The following TSHZ2 variants were observed in gnomAD, a reference collection of about 807,000 sequenced individuals.
TSHZ2 encodes teashirt homolog 2.
Under a neutral mutation model 74.4 loss-of-function variants are expected in TSHZ2, and 21 were observed. That is an observed-to-expected ratio of 0.28 (90% CI 0.20 to 0.41). TSHZ2 has a LOEUF of 0.41. Among genes scored for constraint, TSHZ2 ranks in the 10% least tolerant of loss-of-function variants. TSHZ2 has a pLI of 1.00. For missense variants in TSHZ2, 1,244 were observed against 1,293.5 expected (o/e 0.96, Z 0.59); for synonymous variants, 540 against 515.3 (o/e 1.05, Z -0.65).
chr20:53,120,537 CA>C, intron 1 of TSHZ2, among the ~76,000 whole-genome samples: 1 of 151,808 alleles, frequency 6.6e-6, no homozygotes, highest in Non-Finnish European at 1.5e-5. Context: ...TTTTAGAACA[CA>C]AAAAAAGGTA....
intron 1 of TSHZ2, among the ~76,000 whole-genome samples, chr20:53,055,612 T>C (rs1349441378): frequency 6.6e-6 from 1 of 152,216 alleles, no homozygotes; most frequent in East Asian, 1.9e-4. Context: ...AACATTTGCA[T>C]CAGTTTTCTC....
chr20:53,263,308 A>G (rs1364971658), intron 2 of TSHZ2, among the ~76,000 whole-genome samples: 2 of 152,214 alleles, frequency 1.3e-5, no homozygotes, highest in African/African-American at 4.8e-5. Context: ...AATTTCCCTT[A>G]AAACTGGCAT....
At position 53,085,099 on chromosome 20, in the gene TSHZ2, G is replaced by A. The variant is rs530083102; in HGVS notation, c.40+111766G>A. The stretch of plus-strand genomic sequence containing the variant: ...ATAGATGCTGGGTGTGGTGGCTCAC[G>A]ACTGTAATCCCAATACTTTGGGAGG... On this transcript the variant is annotated intron_variant, in intron 1 of 2. Coordinates refer to ENST00000371497, the MANE Select transcript of TSHZ2 (RefSeq NM_173485.6). Among the ~76,000 whole-genome samples, 14 of 151,908 alleles carry A rather than the reference G, an allele frequency of 9.2e-5. No individual in the cohort carries two copies. The East Asian group carries it at 1.7e-3, about 19-fold the overall frequency.
chr20:53,256,653 G>A lies in TSHZ2; in HGVS notation c.*8+82G>A, dbSNP rs555221946. 26 of 1,481,538 alleles carry A rather than the reference G, an allele frequency of 1.8e-5. No homozygotes were observed. The East Asian group carries it at 3.2e-4, about 18-fold the overall frequency. The allele number at this position is 1,481,538 out of a possible 1,614,324, so 91.8% of individuals were successfully genotyped here. ...AGATGGGTCTGCTTAGAGGCAGCTA[G>A]CATCTCCCAATGCCAAGCAGGATAG... On this transcript the variant is annotated intron_variant, in intron 2 of 2. Transcript: ENST00000371497. The surrounding 1 kb of genome is among the most constrained non-coding windows in gnomAD (Gnocchi z 4.3).
In TSHZ2 at chr20:53,109,439, TC is replaced by T. The variant is rs1406797928; in HGVS notation, c.40+136108del. Among the ~76,000 whole-genome samples the T allele has an allele frequency of 3.9e-5, 6 of 151,990 alleles. No individual in the cohort carries two copies. In the East Asian group the frequency reaches 1.2e-3, roughly 29 times the overall value. ...TTCATTACCAACCTCTTTGGAAGAG[TC>T]CTTCTCATTTTCTCCCTGGAGCTCC... is the stretch of plus-strand genomic sequence containing the variant. On this transcript the variant is annotated intron_variant, in intron 1 of 2. Coordinates refer to ENST00000371497, the MANE Select transcript of TSHZ2 (RefSeq NM_173485.6).
At chr20:53,374,834 T>C (rs1981602608) in intron 2 of TSHZ2, among the ~76,000 whole-genome samples, 1 of 151,820 alleles carries the variant, frequency 6.6e-6, no homozygotes. Flanking sequence ...CACTTTTTAA[T>C]GGGGCTGTTT....
chr20:53,433,294 G>C (rs1386305804), intron 2 of TSHZ2, among the ~76,000 whole-genome samples: 2 of 152,082 alleles, frequency 1.3e-5, no homozygotes, highest in African/African-American at 4.8e-5. Flanking sequence ...TTGAGCATGG[G>C]GGTTCTAGAC....
intron 2 of TSHZ2, among the ~76,000 whole-genome samples, chr20:53,453,405 C>T (rs1218170125): frequency 6.6e-6 from 1 of 152,032 alleles, no homozygotes; most frequent in Non-Finnish European, 1.5e-5. Flanking sequence ...ATGACTGGGC[C>T]CTGATTTATA....
intron 2 of TSHZ2, among the ~76,000 whole-genome samples, chr20:53,349,651 C>CAA (rs559107005): frequency 0.013 from 1,777 of 133,288 alleles, 17 homozygotes; most frequent in South Asian, 0.024. Context: ...GACCCCACCT[C>CAA]AAAAAAAAAA....
Position 53,127,017 on chromosome 20 carries a change from G to GA in TSHZ2, c.41-126482_41-126481insA, listed in dbSNP as rs1568772006. ...ATTATTGGCTGAAGGAAGGAAAAAGGTAAAAAAAAAGAAGAAGAGGAAGAG... is the reference window on the plus strand; with the variant it reads ...ATTATTGGCTGAAGGAAGGAAAAAGGATAAAAAAAAAGAAGAAGAGGAAGAG... On this transcript the variant is annotated intron_variant, in intron 1 of 2. Transcript: ENST00000371497. Among the ~76,000 whole-genome samples the GA allele has an allele frequency of 1.4e-3, 219 of 151,158 alleles. 1 individual carries two copies. The highest frequency in any genetic ancestry group is 5.0e-3 in the African/African-American group (203 of 40,888).
intron 1 of TSHZ2, among the ~76,000 whole-genome samples, chr20:53,204,893 A>G (rs1355844674): frequency 6.6e-6 from 1 of 152,046 alleles, no homozygotes; most frequent in African/African-American, 2.4e-5. Flanking sequence ...TAGCCTGACC[A>G]ACATGCTGAA....
chr20:53,192,829 A>T (rs2123548724), intron 1 of TSHZ2, among the ~76,000 whole-genome samples: 1 of 152,272 alleles, frequency 6.6e-6, no homozygotes, highest in Admixed American at 6.5e-5. Context: ...ATTTTTCCAA[A>T]CTTTTCATTG....
chr20:53,417,877 A>G (rs1438189080), intron 2 of TSHZ2, among the ~76,000 whole-genome samples: 2 of 152,226 alleles, frequency 1.3e-5, no homozygotes, highest in Non-Finnish European at 2.9e-5. Context: ...TCACTCATTC[A>G]GCAAACACTG....
In TSHZ2 at chr20:53,046,957, G is replaced by C. The variant is rs181312727; in HGVS notation, c.40+73624G>C. Among the ~76,000 whole-genome samples the C allele has an allele frequency of 6.2e-4, 94 of 152,294 alleles. 1 individual carries two copies. The Middle Eastern group carries it at 0.014, about 22-fold the overall frequency. On this transcript the variant is annotated intron_variant, in intron 1 of 2. Transcript: ENST00000371497. ...TAACCATCCCTGTGTATCGCTCTAA[G>C]GAGAGGGCAGAGTCTCAAGGCTATT...
At chr20:53,181,514 GC>G (rs1357086929) in intron 1 of TSHZ2, among the ~76,000 whole-genome samples, 1 of 152,230 alleles carries the variant, frequency 6.6e-6, no homozygotes, top group Non-Finnish European at 1.5e-5. Context: ...GATGGACTGA[GC>G]CCACAGACAC....
intron 2 of TSHZ2, among the ~76,000 whole-genome samples, chr20:53,368,233 A>C (rs1216744752): frequency 6.6e-6 from 1 of 151,562 alleles, no homozygotes; most frequent in Non-Finnish European, 1.5e-5. Flanking sequence ...ATCTTTACAC[A>C]GAACGATCAC....
chr20:53,447,021 AG>A (rs1984579119), intron 2 of TSHZ2, among the ~76,000 whole-genome samples: 1 of 151,812 alleles, frequency 6.6e-6, no homozygotes, highest in Admixed American at 6.6e-5. Flanking sequence ...CACAGCATGG[AG>A]CATGTAGGAA....
chr20:53,418,317 CA>C (rs1182317599), intron 2 of TSHZ2, among the ~76,000 whole-genome samples: 1 of 152,134 alleles, frequency 6.6e-6, no homozygotes, highest in African/African-American at 2.4e-5. Flanking sequence ...TGAGCAGCTT[CA>C]AAAAACAGCC....
At chr20:53,198,890 T>G (rs1223358778) in intron 1 of TSHZ2, among the ~76,000 whole-genome samples, 2 of 152,174 alleles carry the variant, frequency 1.3e-5, no homozygotes, top group Admixed American at 6.5e-5. Flanking sequence ...TTAATGACAC[T>G]AGAAAATAAG....
Sources: gnomAD v4.1 joint callset for allele counts (sites outside exome capture counted in the v4.1 genomes callset) on GRCh38, gnomAD v4.1.1 for gene constraint, Gnocchi (gnomAD v3.1) non-coding constraint, MANE v1.5 for transcripts, NCBI Gene and HGNC (gene_info 2026-07-23, HGNC 2026-07-21) for gene names.